The following LIPF variants were observed in gnomAD, a reference collection of about 807,000 sequenced individuals.
LIPF encodes the protein gastric triacylglycerol lipase.
In LIPF, 25 loss-of-function variants were observed where a neutral mutation model predicts 38.0. The ratio of observed to expected loss-of-function variants is 0.66; its 90% confidence interval spans 0.48 to 0.92. The LOEUF is 0.92. Ranked by LOEUF, LIPF falls within the 40% of genes least tolerant of loss-of-function variation. The pLI is 0.00. For missense variants in LIPF, 410 were observed against 469.9 expected (o/e 0.87, Z 1.18); for synonymous variants, 161 against 156.2 (o/e 1.03, Z -0.23).
intron 9 of LIPF, among the ~76,000 whole-genome samples, chr10:88,677,668 T>G (rs1841708309): frequency 6.6e-6 from 1 of 152,194 alleles, no homozygotes; most frequent in Non-Finnish European, 1.5e-5. Flanking sequence ...TACAGAAACT[T>G]TTAGTATATT....
In LIPF at chr10:88,669,833, T is replaced by A; in HGVS notation, c.423-4T>A. On this transcript the variant is annotated splice_polypyrimidine_tract_variant and splice_region_variant and intron_variant, in intron 4 of 9. Coordinates refer to ENST00000238983, the MANE Select transcript of LIPF (RefSeq NM_004190.4). ...TCACTTTCATTTTGTCTTTTTCCTT[T>A]CAGCTTTGATGAAATGGCTAAATAT... The A allele has an allele frequency of 1.3e-6, 2 of 1,595,080 alleles. No individual in the cohort carries two copies. Among genetic ancestry groups the A allele is most frequent in the Non-Finnish European group, 1.7e-6 (2 of 1,166,050 alleles).
intron 7 of LIPF, among the ~76,000 whole-genome samples, chr10:88,674,290 TC>T (rs1443312220): frequency 2.0e-5 from 3 of 152,154 alleles, no homozygotes; most frequent in Non-Finnish European, 2.9e-5. Context: ...TGCCTCAGCC[TC>T]CCGAGTAGCT....
chr10:88,671,083 A>T (rs146599057), intron 5 of LIPF, among the ~76,000 whole-genome samples: 3 of 152,294 alleles, frequency 2.0e-5, no homozygotes, highest in African/African-American at 4.8e-5. Context: ...TGCAGCGTTA[A>T]ACTTGATAAC....
In LIPF at chr10:88,664,483, G is replaced by C. The variant is rs1225811327; in HGVS notation, c.-20G>C. 6.5e-6 allele frequency: 1 copy of C among 152,792 alleles called. No homozygotes were observed. Among genetic ancestry groups the C allele is most frequent in the Non-Finnish European group, 1.5e-5 (1 of 68,062 alleles). 9.5% of individuals were successfully genotyped at this position (152,792 alleles called of 1,614,324 possible). A position where few individuals can be genotyped will look rare whatever the true frequency, so the allele number is the denominator to read the frequency against. On this transcript the variant is annotated 5_prime_UTR_variant, in exon 1 of 10. Transcript: ENST00000238983. ...GAGAAACAGAATCCTAACTATTTCT[G>C]AGGAAACTGTAAGTAGAACTTCTGC...
intron 7 of LIPF, 23 bp downstream of exon 7, chr10:88,673,757 A>G (rs1421616510): frequency 6.3e-7 from 1 of 1,592,218 alleles, no homozygotes. Context: ...TTCAATTTCT[A>G]TATTTTGAGC....
Position 88,668,756 on chromosome 10 carries a change from GGTAAACAAAAGGGAC to G in LIPF, c.422+1_422+15del. The G allele has an allele frequency of 6.2e-7, 1 of 1,612,666 alleles. No homozygotes were observed. Among genetic ancestry groups the G allele is most frequent in the Non-Finnish European group, 8.5e-7 (1 of 1,178,956 alleles). ...GATTCAGTTGAATTCTGGGCTTTCA[GGTAAACAAAAGGGAC>G]AATTAAAAATAAACACTGGGCTTTA... On this transcript the variant is annotated splice_donor_variant and splice_donor_5th_base_variant and intron_variant, in intron 4 of 9. Coordinates refer to ENST00000238983, the MANE Select transcript of LIPF (RefSeq NM_004190.4). LOFTEE classifies it high-confidence loss of function.
chr10:88,664,846 G>A (rs929052518), intron 1 of LIPF, among the ~76,000 whole-genome samples: 4 of 152,138 alleles, frequency 2.6e-5, no homozygotes, highest in Non-Finnish European at 5.9e-5. Flanking sequence ...CAGTAATCTA[G>A]TGACATATAA....
intron 1 of LIPF, among the ~76,000 whole-genome samples, chr10:88,666,826 C>T (rs1183724277): frequency 6.6e-6 from 1 of 152,180 alleles, no homozygotes; most frequent in Non-Finnish European, 1.5e-5. Flanking sequence ...CATTTAAAAT[C>T]ACCATGATTA....
At chr10:88,672,482 A>G (rs966953149) in intron 6 of LIPF, among the ~76,000 whole-genome samples, 1 of 152,180 alleles carries the variant, frequency 6.6e-6, no homozygotes, top group Non-Finnish European at 1.5e-5. Context: ...CTTCATCTTT[A>G]AATGGGCGAT....
At chr10:88,671,742 A>T in intron 5 of LIPF, 87 bp from the exon 6 acceptor site, 1 of 1,519,218 alleles carries the variant, frequency 6.6e-7, no homozygotes, top group Non-Finnish European at 8.8e-7. Context: ...AGTAAGTCCA[A>T]AATAATGTCA....
Position 88,678,697 on chromosome 10 carries a change from A to G in LIPF, c.*16A>G. On this transcript the variant is annotated 3_prime_UTR_variant, in exon 10 of 10. Coordinates refer to ENST00000238983, the MANE Select transcript of LIPF (RefSeq NM_004190.4). ...TAAAAAGTAGTTCTGGATTTAAAGA[A>G]TTATCCGTTTGTTTTTCCAAAATAC... The G allele has an allele frequency of 1.3e-6, 2 of 1,535,748 alleles. No homozygotes were observed. The highest frequency in any genetic ancestry group is 1.4e-5 in the African/African-American group (1 of 73,336).
intron 8 of LIPF, 42 bp from the exon 9 acceptor site, chr10:88,676,167 A>C: frequency 8.6e-7 from 1 of 1,158,872 alleles, no homozygotes; most frequent in Non-Finnish European, 1.3e-6. Context: ...TTTTCACAAT[A>C]TAATAATTTT....
chr10:88,672,662 ACACACACACT>A lies in LIPF; in HGVS notation c.669+699_669+708del, dbSNP rs1381012940. 4.3e-3 allele frequency among the ~76,000 whole-genome samples: 543 copies of A among 126,058 alleles called. 8 individuals carry two copies. The South Asian group carries it at 0.052, about 12-fold the overall frequency. The allele number at this position is 126,058 out of a possible 152,430, so 82.7% of individuals were successfully genotyped here. A position where few individuals can be genotyped will look rare whatever the true frequency, so the allele number is the denominator to read the frequency against. Reference sequence around the variant, plus strand: ...CACACACACACACACACACACACACACACACACACTCTCTCTCTCTCTCTCTCTCTTTCCT... The same window carrying A: ...CACACACACACACACACACACACACACTCTCTCTCTCTCTCTCTCTTTCCT... On this transcript the variant is annotated intron_variant, in intron 6 of 9. Transcript: ENST00000238983.
intron 9 of LIPF, 124 bp from the exon 10 acceptor site, chr10:88,678,321 T>G: frequency 1.3e-6 from 1 of 756,798 alleles, no homozygotes; most frequent in Admixed American, 1.9e-5. Flanking sequence ...GTTTTCTCTG[T>G]GCAATCATTG....
In LIPF at chr10:88,678,715, CA is replaced by C. The variant is rs752705554; in HGVS notation, c.*38del. On this transcript the variant is annotated 3_prime_UTR_variant, in exon 10 of 10. Coordinates refer to ENST00000238983, the MANE Select transcript of LIPF (RefSeq NM_004190.4). ...TTAAAGAATTATCCGTTTGTTTTTC[CA>C]AAATACTTTATTCTCTCATACATAG... is the stretch of plus-strand genomic sequence containing the variant. The C allele has an allele frequency of 7.1e-7, 1 of 1,404,016 alleles. No homozygotes were observed. The highest frequency in any genetic ancestry group is 1.2e-5 in the South Asian group (1 of 85,820). 87.0% of individuals were successfully genotyped at this position (1,404,016 alleles called of 1,614,324 possible). A position where few individuals can be genotyped will look rare whatever the true frequency, so the allele number is the denominator to read the frequency against.
At chr10:88,671,427 C>A (rs1041837298) in intron 5 of LIPF, among the ~76,000 whole-genome samples, 1 of 152,058 alleles carries the variant, frequency 6.6e-6, no homozygotes, top group African/African-American at 2.4e-5. Context: ...CTACTCTTAA[C>A]CTTTCCACTT....
Position 88,676,259 on chromosome 10 carries a change from G to C in LIPF, c.939G>C (p.Gln313His), listed in dbSNP as rs1841684995. 2 of 1,606,918 alleles carry C rather than the reference G, an allele frequency of 1.2e-6. No individual in the cohort carries two copies. The highest frequency in any genetic ancestry group is 1.1e-5 in the South Asian group (1 of 90,398). ...CTTATGACTGGGGAAGCCCAGTTCA[G>C]AATAGGATGCACTATGATCAGGTAA... ...FQAYDWGSPV[Q>H]NRMHYDQSQP... The change falls in exon 9 of 10, where the codon CAG becomes CAC. Residue 313 changes from glutamine to histidine, a missense_variant. Coordinates refer to ENST00000238983, the MANE Select transcript of LIPF (RefSeq NM_004190.4).
At chr10:88,667,175 T>C (rs1014876667) in intron 1 of LIPF, 112 bp from the exon 2 acceptor site, 8 of 589,920 alleles carry the variant, frequency 1.4e-5, no homozygotes, top group Non-Finnish European at 2.4e-5. Flanking sequence ...CAATGGAATA[T>C]AATCAAACCC....
chr10:88,673,628 T>C lies in LIPF; in HGVS notation c.710T>C (p.Phe237Ser). 1 of 1,611,998 alleles carries C rather than the reference T, an allele frequency of 6.2e-7. No individual in the cohort carries two copies. The highest frequency in any genetic ancestry group is 8.5e-7 in the Non-Finnish European group (1 of 1,178,312). ...GDKIFYPHNF[F>S]DQFLATEVCS... ...AAAATATTCTACCCACACAACTTCT[T>C]TGATCAATTTCTTGCTACTGAAGTG... Residue 237 changes from phenylalanine (F) to serine (S), a missense_variant, in exon 7 of 10, where the codon TTT becomes TCT. Physicochemically the swap from Phe to Ser is radical, Grantham distance 155. Transcript: ENST00000238983.
Sources: allele counts gnomAD v4.1 joint callset (sites outside exome capture counted in the v4.1 genomes callset), GRCh38; gene constraint gnomAD v4.1.1; transcripts MANE v1.5; gene names NCBI Gene and HGNC (gene_info 2026-07-23, HGNC 2026-07-21).